ALG3: variants seen among roughly 807,000 people sequenced by gnomAD.
ALG3 encodes the protein ALG3 alpha-1,3- mannosyltransferase.
ALG3 carries 39 observed loss-of-function variants against 50.5 expected under a neutral mutation model. That is an observed-to-expected ratio of 0.77 (90% CI 0.60 to 1.01). The LOEUF is 1.01. ALG3 is among the 50% of genes least tolerant of loss of function. ALG3 has a pLI of 0.00. For synonymous variants in ALG3, 252 were observed against 237.2 expected (o/e 1.06, Z -0.58); for missense variants, 520 against 554.8 (o/e 0.94, Z 0.63).
intron 4 of ALG3, 140 bp from the exon 5 acceptor site, chr3:184,244,861 T>G: frequency 8.2e-7 from 1 of 1,225,652 alleles, no homozygotes; most frequent in Non-Finnish European, 1.1e-6. Context: ...GGACCTACAC[T>G]CACAACTGTT....
chr3:184,243,729 T>C, intron 6 of ALG3, 62 bp downstream of exon 6: 1 of 1,593,466 alleles, frequency 6.3e-7, no homozygotes, highest in Non-Finnish European at 8.6e-7. Context: ...AAGCAGCCCC[T>C]AAGGCTTAGG....
intron 4 of ALG3, 195 bp downstream of exon 4, chr3:184,245,003 C>T: frequency 1.2e-6 from 1 of 822,386 alleles, no homozygotes; most frequent in East Asian, 2.7e-5. Flanking sequence ...GGGAGGAAGA[C>T]AGGATGGAAA....
Position 184,245,634 on chromosome 3 carries a change from T to C in ALG3, c.297-19A>G, listed in dbSNP as rs906854585. On this transcript the variant is annotated intron_variant, in intron 2 of 8. Coordinates refer to ENST00000397676, the MANE Select transcript of ALG3 (RefSeq NM_005787.6). ...TGGGTACCTGGAAGATGAGAGAAAATGTGAGCCTGGGTCAGGTCACACAGA... is the reference window on the plus strand; with the variant it reads ...TGGGTACCTGGAAGATGAGAGAAAACGTGAGCCTGGGTCAGGTCACACAGA... 10 of 1,611,916 alleles carry C rather than the reference T, an allele frequency of 6.2e-6. No individual in the cohort carries two copies. The African/African-American group carries it at 6.7e-5, about 11-fold the overall frequency.
intron 1 of ALG3, 58 bp from the exon 2 acceptor site, chr3:184,245,870 C>T: frequency 7.5e-7 from 1 of 1,339,428 alleles, no homozygotes; most frequent in Non-Finnish European, 1.1e-6. Flanking sequence ...CTGCCACCCT[C>T]CCCATGCCTC....
In ALG3 at chr3:184,247,522, T is replaced by C. The variant is rs189424627; in HGVS notation, c.196+1223A>G. Among the ~76,000 whole-genome samples the C allele has an allele frequency of 3.9e-3, 588 of 152,288 alleles. 4 individuals carry two copies. The highest frequency in any genetic ancestry group is 0.013 in the African/African-American group (556 of 41,538). The stretch of plus-strand genomic sequence containing the variant: ...CATGTTGGCCAGGCTGGTCTCAAAT[T>C]CCTGACCTCAGGAGATCCACCCGCC... On this transcript the variant is annotated intron_variant, in intron 1 of 8. Transcript: ENST00000397676.
At position 184,244,682 on chromosome 3, in the gene ALG3, G is replaced by A; in HGVS notation, c.645C>T (p.Ala215=). The change falls in exon 5 of 9, where the codon GCC becomes GCT. Residue 215 remains alanine (A), a synonymous_variant. Transcript: ENST00000397676. ...VSVKMNVLLF[A]PGLLFLLLTQ... Reference sequence around the variant, plus strand: ...TGAGGAGAAGAAACAGTAACCCAGGGGCGAAGAGCAGCACATTCATCTTCA... The same window carrying A: ...TGAGGAGAAGAAACAGTAACCCAGGAGCGAAGAGCAGCACATTCATCTTCA... The A allele has an allele frequency of 6.2e-7, 1 of 1,610,648 alleles. No homozygotes were observed. The highest frequency in any genetic ancestry group is 8.5e-7 in the Non-Finnish European group (1 of 1,178,684).
chr3:184,245,608 C>A lies in ALG3; in HGVS notation c.304G>T (p.Ala102Ser), dbSNP rs1719101179. The change falls in exon 3 of 9, where the codon GCT becomes TCT. Residue 102 changes from alanine (A) to serine (S), a missense_variant. By Grantham distance (99) the Ala-to-Ser change is moderately conservative. Around this residue, in one of 3 missense-constraint regions of ALG3, gnomAD observed 290 missense variants for 265.9 expected, o/e 1.09. Transcript: ENST00000397676. ...CCCATAAAGATGTACACGAAACCAG[C>A]TGGGTACCTGGAAGATGAGAGAAAA... ...QGDTGPLVYP[A>S]GFVYIFMGLY... 18 of 1,612,862 alleles carry A rather than the reference C, an allele frequency of 1.1e-5. 1 individual carries two copies. The highest frequency in any genetic ancestry group is 1.5e-5 in the Non-Finnish European group (18 of 1,179,360).
chr3:184,245,830 G>T lies in ALG3; in HGVS notation c.197-18C>A, dbSNP rs777140363. 2 of 1,597,396 alleles carry T rather than the reference G, an allele frequency of 1.3e-6. No individual in the cohort carries two copies. Among genetic ancestry groups the T allele is most frequent in the South Asian group, 1.1e-5 (1 of 89,848 alleles). ...CTCTGTGTCTGGAAGAAGACAAGAT[G>T]ATCTGGTTACTTCTGAGTCTAGAAC... On this transcript the variant is annotated intron_variant, in intron 1 of 8. Coordinates refer to ENST00000397676, the MANE Select transcript of ALG3 (RefSeq NM_005787.6).
Position 184,245,235 on chromosome 3 carries a change from G to C in ALG3, c.568C>G (p.Leu190Val), listed in dbSNP as rs1460063223. 1 of 1,613,958 alleles carries C rather than the reference G, an allele frequency of 6.2e-7. No individual in the cohort carries two copies. The highest frequency in any genetic ancestry group is 8.5e-7 in the Non-Finnish European group (1 of 1,179,884). ...VLLFLSINLLLAQRWGWGCCF... is the reference protein window; with the variant it reads ...VLLFLSINLLVAQRWGWGCCF... ...CAACCCCAGCCCCAGCGCTGGGCCAGCAGGAGGTTGATACTGAGGAAGAGC... is the reference window on the plus strand; with the variant it reads ...CAACCCCAGCCCCAGCGCTGGGCCACCAGGAGGTTGATACTGAGGAAGAGC... Residue 190 changes from leucine to valine, a missense_variant, in exon 4 of 9, where the codon CTG becomes GTG. By Grantham distance (32) the Leu-to-Val change is conservative. Coordinates refer to ENST00000397676, the MANE Select transcript of ALG3 (RefSeq NM_005787.6).
Position 184,244,654 on chromosome 3 carries a change from G to C in ALG3, c.673C>G (p.Gln225Glu). 1 of 1,611,106 alleles carries C rather than the reference G, an allele frequency of 6.2e-7. No homozygotes were observed. Among genetic ancestry groups the C allele is most frequent in the African/African-American group, 1.3e-5 (1 of 74,946 alleles). ...APGLLFLLLT[Q>E]FGFRGALPKL... is the part of the protein sequence containing the mutation. ...GGGAGGGCCCCACGGAAGCCAAACT[G>C]TGTGAGGAGAAGAAACAGTAACCCA... is the stretch of plus-strand genomic sequence containing the variant. Residue 225 changes from glutamine to glutamate, a missense_variant, in exon 5 of 9, where the codon CAG (glutamine) becomes GAG (glutamate). Physicochemically the swap from Gln to Glu is conservative, Grantham distance 29. This residue lies in a region of ALG3 where 224 missense variants were observed against 272.8 expected (regional missense o/e 0.82). Transcript: ENST00000397676.
chr3:184,248,501 G>A (rs1719304446), intron 1 of ALG3, among the ~76,000 whole-genome samples: 1 of 152,184 alleles, frequency 6.6e-6, no homozygotes, highest in South Asian at 2.1e-4. Flanking sequence ...TTCTAAGCTG[G>A]TTTGCAGGCT....
Position 184,245,259 on chromosome 3 carries a change from G to A in ALG3, c.544C>T (p.Leu182Phe), listed in dbSNP as rs1719066241. ...LFNDPVAMVL[L>F]FLSINLLLAQ... ...AGCAGGAGGTTGATACTGAGGAAGA[G>A]CAGCACCATGGCCACTGGGTCATTG... Residue 182 changes from leucine (L) to phenylalanine (F), a missense_variant, in exon 4 of 9, where the codon CTC becomes TTC. Physicochemically the swap from Leu to Phe is conservative, Grantham distance 22. Around this residue, in one of 3 missense-constraint regions of ALG3, gnomAD observed 290 missense variants for 265.9 expected, o/e 1.09. Transcript: ENST00000397676. The A allele has an allele frequency of 1.2e-6, 2 of 1,613,870 alleles. No individual in the cohort carries two copies. The highest frequency in any genetic ancestry group is 8.5e-7 in the Non-Finnish European group (1 of 1,179,846).
chr3:184,245,618 G>A lies in ALG3; in HGVS notation c.297-3C>T, dbSNP rs1233287535. On this transcript the variant is annotated splice_polypyrimidine_tract_variant and splice_region_variant and intron_variant, in intron 2 of 8. Transcript: ENST00000397676. ...TGTACACGAAACCAGCTGGGTACCT[G>A]GAAGATGAGAGAAAATGTGAGCCTG... The A allele has an allele frequency of 1.9e-6, 3 of 1,612,512 alleles. No individual in the cohort carries two copies. Among genetic ancestry groups the A allele is most frequent in the Non-Finnish European group, 2.5e-6 (3 of 1,179,218 alleles).
chr3:184,243,495 C>T, intron 7 of ALG3, 59 bp downstream of exon 7: 3 of 1,551,958 alleles, frequency 1.9e-6, no homozygotes, highest in South Asian at 1.1e-5. Context: ...GATACCTGAC[C>T]AGGACTCTGT....
rs1239564678 is a variant in ALG3, at chr3:184,248,923, C to T, written c.18G>A (p.Arg6=). ...CCGCGGAACCGGACCGGCCGCGTTT[C>T]CGCAGCCCAGCCGCCATCTTAACGG... is the stretch of plus-strand genomic sequence containing the variant. MAAGL[R]KRGRSGSAAQ... is the part of the protein sequence containing the mutation. Residue 6 remains arginine (R), a synonymous_variant, in exon 1 of 9, where the codon CGG becomes CGA. Transcript: ENST00000397676. 3 of 1,586,946 alleles carry T rather than the reference C, an allele frequency of 1.9e-6. No individual in the cohort carries two copies. The highest frequency in any genetic ancestry group is 1.8e-5 in the Admixed American group (1 of 56,940).
At chr3:184,243,149 G>A in intron 7 of ALG3, 192 bp from the exon 8 acceptor site, 1 of 759,680 alleles carries the variant, frequency 1.3e-6, no homozygotes, top group Non-Finnish European at 2.1e-6. Context: ...TAATACCTAG[G>A]GCCATAAGGT....
Position 184,242,398 on chromosome 3 carries a change from C to T in ALG3, c.*116G>A. The T allele has an allele frequency of 7.6e-7, 1 of 1,322,366 alleles. No individual in the cohort carries two copies. Among genetic ancestry groups the T allele is most frequent in the Non-Finnish European group, 1.1e-6 (1 of 940,804 alleles). The allele number at this position is 1,322,366 out of a possible 1,614,324, so 81.9% of individuals were successfully genotyped here. ...AGCCTGGACCAGGCATCGGCTGCCC[C>T]CACCTCCATGTAGGTTGCACAGAGT... On this transcript the variant is annotated 3_prime_UTR_variant, in exon 9 of 9. Transcript: ENST00000397676.
chr3:184,244,138 G>A (rs1440987679), intron 5 of ALG3, 142 bp from the exon 6 acceptor site: 5 of 854,456 alleles, frequency 5.9e-6, no homozygotes, highest in South Asian at 1.8e-5. Context: ...GGAAAACCAC[G>A]TTCCCCACCC....
intron 7 of ALG3, 157 bp downstream of exon 7, chr3:184,243,397 A>C (rs908480361): frequency 1.1e-5 from 7 of 656,960 alleles, no homozygotes; most frequent in Non-Finnish European, 1.9e-5. Context: ...AATATCCTTC[A>C]ATATGTGAAG....
Sources: gnomAD v4.1 joint callset for allele counts (sites outside exome capture counted in the v4.1 genomes callset) on GRCh38, gnomAD v4.1.1 for gene constraint, gnomAD v4.1.1 regional missense constraint, MANE v1.5 for transcripts, NCBI Gene and HGNC (gene_info 2026-07-23, HGNC 2026-07-21) for gene names.